Variants in UNC5C observed in about 807,000 individuals in gnomAD.
UNC5C encodes the protein unc-5 netrin receptor C.
UNC5C carries 47 observed loss-of-function variants against 99.8 expected under a neutral mutation model. The observed-to-expected ratio is 0.47, with a 90% confidence interval of 0.37 to 0.60. UNC5C has a LOEUF of 0.60. Among genes scored for constraint, UNC5C ranks in the 20% least tolerant of loss-of-function variants. The probability of loss-of-function intolerance (pLI) is 0.00; values close to 1 mark genes in which losing one functional copy is unlikely to be tolerated. For missense variants in UNC5C, 1,062 were observed against 1,165.9 expected, an observed-to-expected ratio of 0.91 and a Z score of 1.30; for synonymous variants, 487 against 452.2, an observed-to-expected ratio of 1.08 and a Z score of -0.98.
intron 4 of UNC5C, among the ~76,000 whole-genome samples, chr4:95,251,486 G>T (rs949751736): frequency 6.6e-6 from 1 of 152,254 alleles, no homozygotes; most frequent in South Asian, 2.1e-4. Context: ...TAGTAATAGT[G>T]ATGTTATACT....
intron 1 of UNC5C, among the ~76,000 whole-genome samples, chr4:95,424,729 T>C (rs1365110837): frequency 2.0e-5 from 3 of 151,848 alleles, no homozygotes; most frequent in African/African-American, 7.3e-5. Flanking sequence ...TTCACTGTGT[T>C]AGCCAGGATG....
intron 1 of UNC5C, among the ~76,000 whole-genome samples, chr4:95,342,290 G>T (rs1040990601): frequency 6.6e-6 from 1 of 151,930 alleles, no homozygotes; most frequent in African/African-American, 2.4e-5. Context: ...GAAGAGTAAA[G>T]AAGACTTTCT....
rs540494307 is a variant in UNC5C, at chr4:95,369,717, C to T, written c.125-34086G>A. Among the ~76,000 whole-genome samples the T allele has an allele frequency of 6.6e-5, 10 of 152,026 alleles. No homozygotes were observed. In the South Asian group the frequency reaches 2.1e-3, roughly 32 times the overall value. ...ACCATTGATACCGTTATCAATGGTC[C>T]AATGTAACTGGGGCCGCTATATTGG... On this transcript the variant is annotated intron_variant, in intron 1 of 15. Transcript: ENST00000453304.
rs186099676 is a variant in UNC5C, at chr4:95,444,797, A to G, written c.124+103937T>C. On this transcript the variant is annotated intron_variant, in intron 1 of 15. Coordinates refer to ENST00000453304, the MANE Select transcript of UNC5C (RefSeq NM_003728.4). ...CTCTTGGGCTAGCTCTGAAAGTCCT[A>G]TATCTGCAGGGGATTATCACCAGTC... Among the ~76,000 whole-genome samples, 524 of 152,246 alleles carry G rather than the reference A, an allele frequency of 3.4e-3. 3 individuals are homozygous for G. Among genetic ancestry groups the G allele is most frequent in the African/African-American group, 0.012 (487 of 41,530 alleles).
intron 7 of UNC5C, among the ~76,000 whole-genome samples, chr4:95,229,947 A>T (rs1738847841): frequency 6.6e-6 from 1 of 151,578 alleles, no homozygotes; most frequent in African/African-American, 2.4e-5. Context: ...AGTAGCTGGG[A>T]TTACAGTCGT....
At chr4:95,417,327 A>C (rs998586176) in intron 1 of UNC5C, among the ~76,000 whole-genome samples, 1 of 152,148 alleles carries the variant, frequency 6.6e-6, no homozygotes, top group African/African-American at 2.4e-5. Flanking sequence ...AAGTTTAATC[A>C]TTTGTTTTAA....
intron 2 of UNC5C, among the ~76,000 whole-genome samples, chr4:95,327,511 A>T (rs1292323517): frequency 6.6e-6 from 1 of 152,124 alleles, no homozygotes; most frequent in African/African-American, 2.4e-5. Flanking sequence ...ATGCACATAC[A>T]AATATACATG....
intron 2 of UNC5C, among the ~76,000 whole-genome samples, chr4:95,308,275 T>G (rs1742132005): frequency 1.3e-5 from 2 of 152,112 alleles, no homozygotes; most frequent in South Asian, 4.1e-4. Context: ...AAAATCAACA[T>G]ATAAATATCA....
At chr4:95,447,189 G>A (rs1293275381) in intron 1 of UNC5C, among the ~76,000 whole-genome samples, 3 of 150,924 alleles carry the variant, frequency 2.0e-5, no homozygotes, top group African/African-American at 5.0e-5. Flanking sequence ...ACATATATAT[G>A]TATTGTTATA....
intron 11 of UNC5C, 86 bp from the exon 12 acceptor site, chr4:95,203,050 A>G: frequency 8.2e-7 from 1 of 1,212,928 alleles, no homozygotes; most frequent in Non-Finnish European, 1.2e-6. Flanking sequence ...TGAGTAGAGC[A>G]GGACCTATCC....
intron 1 of UNC5C, among the ~76,000 whole-genome samples, chr4:95,431,890 C>A (rs1220001490): frequency 6.6e-6 from 1 of 152,092 alleles, no homozygotes; most frequent in Non-Finnish European, 1.5e-5. Flanking sequence ...ATTCTCCAGT[C>A]TAGAAATACT....
At chr4:95,480,853 G>T (rs1283963380) in intron 1 of UNC5C, among the ~76,000 whole-genome samples, 2 of 151,642 alleles carry the variant, frequency 1.3e-5, no homozygotes, top group East Asian at 1.9e-4. Context: ...TTGATGGGAC[G>T]TATCTCAAAA....
intron 1 of UNC5C, among the ~76,000 whole-genome samples, chr4:95,440,358 A>C (rs1289272563): frequency 6.6e-6 from 1 of 152,188 alleles, no homozygotes; most frequent in Non-Finnish European, 1.5e-5. Context: ...ATCTTAAAAA[A>C]TATTTTGCTC....
chr4:95,233,474 C>A (rs545925695), intron 7 of UNC5C, among the ~76,000 whole-genome samples: 3 of 152,118 alleles, frequency 2.0e-5, no homozygotes, highest in Non-Finnish European at 4.4e-5. Flanking sequence ...ACTTAATAAT[C>A]CAATCTACTG....
intron 2 of UNC5C, among the ~76,000 whole-genome samples, chr4:95,321,580 A>T (rs1163344339): frequency 6.6e-6 from 1 of 152,212 alleles, no homozygotes; most frequent in Non-Finnish European, 1.5e-5. Context: ...TCAATGTGAA[A>T]TAAGGATGAA....
chr4:95,269,543 C>A (rs1740578495), intron 4 of UNC5C, among the ~76,000 whole-genome samples: 2 of 151,840 alleles, frequency 1.3e-5, no homozygotes. Context: ...CTGCCTTGGC[C>A]TCCCAAACTG....
chr4:95,197,818 G>A (rs1055421283), intron 12 of UNC5C, among the ~76,000 whole-genome samples: 3 of 152,024 alleles, frequency 2.0e-5, no homozygotes, highest in South Asian at 4.2e-4. Flanking sequence ...GAAGTAGTGG[G>A]CTTATTCAGT....
At chr4:95,205,943 A>G (rs1271099555) in intron 11 of UNC5C, among the ~76,000 whole-genome samples, 1 of 151,040 alleles carries the variant, frequency 6.6e-6, no homozygotes, top group Non-Finnish European at 1.5e-5. Context: ...AGTGCCTAAC[A>G]TTTTCTGATC....
At chr4:95,358,925 A>T (rs935135114) in intron 1 of UNC5C, among the ~76,000 whole-genome samples, 3 of 152,200 alleles carry the variant, frequency 2.0e-5, no homozygotes, top group Non-Finnish European at 4.4e-5. Context: ...TGAAACTGTT[A>T]TTCTGTAGAA....
Sources: gnomAD v4.1 joint callset for allele counts (sites outside exome capture counted in the v4.1 genomes callset) on GRCh38, gnomAD v4.1.1 for gene constraint, MANE v1.5 for transcripts, NCBI Gene and HGNC (gene_info 2026-07-23, HGNC 2026-07-21) for gene names.